The following ZNF35 variants were observed in gnomAD, a reference collection of about 807,000 sequenced individuals.
The protein encoded by ZNF35 is zinc finger protein 35.
ZNF35 carries 31 observed loss-of-function variants against 45.9 expected under a neutral mutation model. The ratio of observed to expected loss-of-function variants is 0.68; its 90% CI spans 0.51 to 0.91. The LOEUF is 0.91. Ranked by LOEUF, ZNF35 falls within the 40% of genes least tolerant of loss-of-function variation. The pLI, the probability that ZNF35 is intolerant of heterozygous loss-of-function variation, is 0.00. For synonymous variants in ZNF35, 205 were observed against 220.2 expected (o/e 0.93, Z 0.61); for missense variants, 515 against 625.4 (o/e 0.82, Z 1.88).
rs777194440 is a variant in ZNF35 at position 44,660,698 on chromosome 3, A to G, written c.*751A>G. The G allele has an allele frequency of 3.9e-5, 6 of 152,216 alleles. No homozygotes were observed. The highest frequency in any genetic ancestry group is 8.8e-5 in the Non-Finnish European group (6 of 68,058). 9.4% of individuals were successfully genotyped at this position (152,216 alleles called of 1,614,324 possible). ...CTTCTCCAAACAACTCAAGCCCCCA[A>G]TTCCCATCGCATTCCATTTGGGTGA... On this transcript the variant is annotated 3_prime_UTR_variant, in exon 4 of 4. Transcript: ENST00000396056.
intron 1 of ZNF35, among the ~76,000 whole-genome samples, chr3:44,650,735 T>C (rs1283498997): frequency 1.3e-5 from 2 of 152,248 alleles, no homozygotes. Context: ...TATATAAAGC[T>C]GTTTGCAATG....
rs771549384 is a variant in ZNF35 at position 44,659,354 on chromosome 3, G to GA, written c.996dup (p.Cys333MetfsTer3). 1.4e-5 allele frequency: 22 copies of GA among 1,613,854 alleles called. No individual in the cohort carries two copies. The South Asian group carries it at 2.4e-4, about 18-fold the overall frequency. On this transcript the variant is annotated frameshift_variant, in exon 4 of 4. Coordinates refer to ENST00000396056, the MANE Select transcript of ZNF35 (RefSeq NM_003420.4). LOFTEE classifies it high-confidence loss of function. The surrounding 1 kb of genome is among the most constrained non-coding windows in gnomAD (Gnocchi z 4.3). ...TCGGCACCAGAAAGTCCACATTACG[G>GA]AAAAATGCTATGAATGTAATGAATG...
chr3:44,651,285 G>C (rs1461189545), intron 2 of ZNF35, 26 bp downstream of exon 2: 6 of 1,602,818 alleles, frequency 3.7e-6, no homozygotes, highest in African/African-American at 1.4e-5. Flanking sequence ...AGAGGAAGAG[G>C]GGAGGAGATA....
Position 44,651,072 on chromosome 3 carries a change from C to A in ZNF35, c.5C>A (p.Thr2Asn), listed in dbSNP as rs2272044. 6.2e-7 allele frequency: 1 copy of A among 1,613,300 alleles called. No individual in the cohort carries two copies. Among genetic ancestry groups the A allele is most frequent in the South Asian group, 1.1e-5 (1 of 91,048 alleles). The change falls in exon 2 of 4, where the codon ACT (threonine) becomes AAT (asparagine). Residue 2 changes from threonine (T) to asparagine (N), a missense_variant. Thr to Asn is a moderately conservative substitution (Grantham distance 65, BLOSUM62 0). Around this residue, in one of 3 missense-constraint regions of ZNF35, gnomAD observed 275 missense variants for 295.7 expected, o/e 0.93. Transcript: ENST00000396056. Reference sequence around the variant, plus strand: ...TTCCCCTGCTGAGCAGAGAAGATGACTGCAGAATTGAGAGAAGCCATGGCC... The same window carrying A: ...TTCCCCTGCTGAGCAGAGAAGATGAATGCAGAATTGAGAGAAGCCATGGCC... Reference protein sequence around the residue: MTAELREAMALA... With the variant: MNAELREAMALA...
At position 44,658,889 on chromosome 3, in the gene ZNF35, C is replaced by G; in HGVS notation, c.526C>G (p.Gln176Glu). 1 of 1,612,276 alleles carries G rather than the reference C, an allele frequency of 6.2e-7. No individual in the cohort carries two copies. The highest frequency in any genetic ancestry group is 8.5e-7 in the Non-Finnish European group (1 of 1,179,642). The stretch of plus-strand genomic sequence containing the variant: ...AAAGAGAGAAAAGAAAGATTTCAGA[C>G]AAGTGATAGTGAATGACTGTCACTT... ...RIKREKKDFR[Q>E]VIVNDCHLPE... is the part of the protein sequence containing the mutation. The change falls in exon 4 of 4, where the codon CAA becomes GAA. Residue 176 changes from glutamine to glutamate, a missense_variant. Physicochemically the swap from Gln to Glu is conservative, Grantham distance 29. Around this residue, in one of 3 missense-constraint regions of ZNF35, gnomAD observed 275 missense variants for 295.7 expected, o/e 0.93. Transcript: ENST00000396056.
chr3:44,659,038 C>T lies in ZNF35; in HGVS notation c.675C>T (p.Ser225=), dbSNP rs550173382. The change falls in exon 4 of 4, where the codon AGC becomes AGT. Residue 225 remains serine (S), a synonymous_variant. Coordinates refer to ENST00000396056, the MANE Select transcript of ZNF35 (RefSeq NM_003420.4). The surrounding 1 kb of genome is among the most constrained non-coding windows in gnomAD (Gnocchi z 4.3). ...TTGGACAAAAGCCTTTTACGTGTAG[C>T]GTGTGTGGGAAAGGATTTAGTCAGA... The part of the protein sequence containing the change: ...TQLGQKPFTC[S]VCGKGFSQSA... The T allele has an allele frequency of 2.8e-5, 45 of 1,614,168 alleles. 1 individual carries two copies. Among genetic ancestry groups the T allele is most frequent in the African/African-American group, 2.4e-4 (18 of 75,018 alleles).
At chr3:44,655,354 C>T (rs896916429) in intron 3 of ZNF35, among the ~76,000 whole-genome samples, 28 of 151,394 alleles carry the variant, frequency 1.8e-4, no homozygotes, top group African/African-American at 6.8e-4. Context: ...AATTACCCTT[C>T]TTATCTCAGA....
chr3:44,655,328 T>C (rs1015818377), intron 3 of ZNF35, among the ~76,000 whole-genome samples: 3 of 151,832 alleles, frequency 2.0e-5, no homozygotes, highest in African/African-American at 4.8e-5. Context: ...ATTGGACTTA[T>C]AAATTTAGTA....
chr3:44,654,788 T>C (rs1373137006), intron 3 of ZNF35, among the ~76,000 whole-genome samples: 2 of 152,236 alleles, frequency 1.3e-5, no homozygotes, highest in Non-Finnish European at 2.9e-5. Flanking sequence ...AACATTTGTA[T>C]TTTTTCTTTA....
rs1264803902 is a variant in ZNF35 at position 44,658,971 on chromosome 3, A to G, written c.608A>G (p.Tyr203Cys). ...NQKCKKSGGK[Y>C]SLNSGAVKNP... ...AAATGTAAGAAATCTGGAGGAAAAT[A>G]TAGCCTTAATTCTGGCGCTGTTAAA... Residue 203 changes from tyrosine to cysteine, a missense_variant, in exon 4 of 4, where the codon TAT (tyrosine) becomes TGT (cysteine). Physicochemically the swap from Tyr to Cys is radical, Grantham distance 194. Coordinates refer to ENST00000396056, the MANE Select transcript of ZNF35 (RefSeq NM_003420.4). 4.3e-6 allele frequency: 7 copies of G among 1,614,124 alleles called. No individual in the cohort carries two copies. Among genetic ancestry groups the G allele is most frequent in the Non-Finnish European group, 5.1e-6 (6 of 1,180,062 alleles).
At chr3:44,657,422 T>C (rs1703328913) in intron 3 of ZNF35, among the ~76,000 whole-genome samples, 1 of 152,210 alleles carries the variant, frequency 6.6e-6, no homozygotes, top group Non-Finnish European at 1.5e-5. Context: ...CTTGGTTTAA[T>C]TGACAAACAC....
chr3:44,659,212 T>A lies in ZNF35; in HGVS notation c.849T>A (p.Cys283Ter), dbSNP rs1203573817. 1 of 1,614,148 alleles carries A rather than the reference T, an allele frequency of 6.2e-7. No individual in the cohort carries two copies. The highest frequency in any genetic ancestry group is 8.5e-7 in the Non-Finnish European group (1 of 1,180,034). The change falls in exon 4 of 4, where the codon TGT becomes TGA. Residue 283 changes from cysteine to a stop codon, truncating the protein, a stop_gained. Coordinates refer to ENST00000396056, the MANE Select transcript of ZNF35 (RefSeq NM_003420.4). LOFTEE classifies it high-confidence loss of function. This position sits in a 1 kb window ranked among gnomAD's most constrained non-coding sequence, Gnocchi z 4.3. ...TGQKPYVCSK[C>*]GKAFTQSSNL... ...AGAAACCTTATGTTTGCTCAAAATGTGGGAAAGCCTTCACTCAGAGTTCAA... is the reference window on the plus strand; with the variant it reads ...AGAAACCTTATGTTTGCTCAAAATGAGGGAAAGCCTTCACTCAGAGTTCAA...
chr3:44,656,313 G>A (rs1420631024), intron 3 of ZNF35, among the ~76,000 whole-genome samples: 4 of 150,586 alleles, frequency 2.7e-5, no homozygotes, highest in Non-Finnish European at 5.9e-5. Context: ...ACTACAGAGA[G>A]AAAAACAGAA....
rs1295895190 is a variant in ZNF35, at chr3:44,659,744, C to G, written c.1381C>G (p.Leu461Val). 1 of 1,613,974 alleles carries G rather than the reference C, an allele frequency of 6.2e-7. No individual in the cohort carries two copies. Among genetic ancestry groups the G allele is most frequent in the East Asian group, 2.2e-5 (1 of 44,884 alleles). Residue 461 changes from leucine to valine, a missense_variant, in exon 4 of 4, where the codon CTA becomes GTA. By Grantham distance (32) the Leu-to-Val change is conservative. Around this residue, in one of 3 missense-constraint regions of ZNF35, gnomAD observed 232 missense variants for 304.6 expected, o/e 0.76. Coordinates refer to ENST00000396056, the MANE Select transcript of ZNF35 (RefSeq NM_003420.4). This position sits in a 1 kb window ranked among gnomAD's most constrained non-coding sequence, Gnocchi z 4.3. ...CGKAFTCSSY[L>V]LIHQRIHNGE... is the part of the protein sequence containing the mutation. The stretch of plus-strand genomic sequence containing the variant: ...GAAGGCCTTCACATGTAGCTCATAC[C>G]TACTTATTCATCAGAGAATTCATAA...
intron 3 of ZNF35, among the ~76,000 whole-genome samples, chr3:44,654,531 C>T (rs1703262683): frequency 6.6e-6 from 1 of 152,088 alleles, no homozygotes; most frequent in African/African-American, 2.4e-5. Flanking sequence ...CACAACCTTG[C>T]TCTTTTTTTA....
intron 3 of ZNF35, among the ~76,000 whole-genome samples, chr3:44,655,351 C>T (rs569220365): frequency 2.6e-5 from 4 of 151,608 alleles, no homozygotes; most frequent in Admixed American, 2.0e-4. Flanking sequence ...TCAAATTACC[C>T]TTCTTATCTC....
chr3:44,656,162 T>C (rs1703296966), intron 3 of ZNF35, among the ~76,000 whole-genome samples: 1 of 151,566 alleles, frequency 6.6e-6, no homozygotes, highest in Non-Finnish European at 1.5e-5. Flanking sequence ...AGAAGAGGCA[T>C]GAAACTGTAT....
rs764223432 is a variant in ZNF35 at position 44,652,607 on chromosome 3, G to T, written c.243G>T (p.Glu81Asp). 1.2e-6 allele frequency: 2 copies of T among 1,611,210 alleles called. No homozygotes were observed. Among genetic ancestry groups the T allele is most frequent in the Admixed American group, 3.4e-5 (2 of 59,508 alleles). ...CGGTAGTCCTGAAAGCAACTCAGGAGGCACCTGCTGCTTCAACCCTTGGCA... is the reference window on the plus strand; with the variant it reads ...CGGTAGTCCTGAAAGCAACTCAGGATGCACCTGCTGCTTCAACCCTTGGCA... The part of the protein sequence containing the change: ...DMAVVLKATQ[E>D]APAASTLGSY... Residue 81 changes from glutamate (E) to aspartate (D), a missense_variant, in exon 3 of 4, where the codon GAG (glutamate) becomes GAT (aspartate). By Grantham distance (45) the Glu-to-Asp change is conservative. Coordinates refer to ENST00000396056, the MANE Select transcript of ZNF35 (RefSeq NM_003420.4).
rs765170467 is a variant in ZNF35 at position 44,651,151 on chromosome 3, C to T, written c.84C>T (p.Asn28=). ...AAAAGGAGGAGGAAGAAGAAGAAAA[C>T]TTCCCAGGTCAGGCATCCAGCCAAC... is the stretch of plus-strand genomic sequence containing the variant. ...KVKKEEEEEE[N]FPGQASSQQV... The change falls in exon 2 of 4, where the codon AAC becomes AAT. Residue 28 remains asparagine, a synonymous_variant. Coordinates refer to ENST00000396056, the MANE Select transcript of ZNF35 (RefSeq NM_003420.4). The T allele has an allele frequency of 5.6e-6, 9 of 1,614,064 alleles. No homozygotes were observed. Among genetic ancestry groups the T allele is most frequent in the South Asian group, 5.5e-5 (5 of 91,086 alleles).
Sources: allele counts gnomAD v4.1 joint callset (sites outside exome capture counted in the v4.1 genomes callset), GRCh38; gene constraint gnomAD v4.1.1; regional missense constraint gnomAD v4.1.1; non-coding constraint Gnocchi (gnomAD v3.1); transcripts MANE v1.5; gene names NCBI Gene and HGNC (gene_info 2026-07-23, HGNC 2026-07-21).